Variants in ELMO1 observed in about 807,000 individuals in gnomAD.
ELMO1 encodes engulfment and cell motility protein 1.
In ELMO1, 26 loss-of-function variants were observed where a neutral mutation model predicts 98.9. The ratio of observed to expected loss-of-function variants is 0.26; its 90% CI spans 0.19 to 0.36. The LOEUF is 0.36. ELMO1 is among the 10% of genes least tolerant of loss of function. The probability of loss-of-function intolerance (pLI) is 1.00; values close to 1 mark genes in which losing one functional copy is unlikely to be tolerated. For synonymous variants in ELMO1, 346 were observed against 346.0 expected, an observed-to-expected ratio of 1.00 and a Z score of 0.00; for missense variants, 627 against 935.2, an observed-to-expected ratio of 0.67 and a Z score of 4.30.
At chr7:36,967,178 T>C (rs1276593953) in intron 16 of ELMO1, among the ~76,000 whole-genome samples, 1 of 152,184 alleles carries the variant, frequency 6.6e-6, no homozygotes, top group Non-Finnish European at 1.5e-5. Flanking sequence ...TTCTCTAAAA[T>C]ATAAGAAATA....
At chr7:37,297,723 A>T (rs1025086158) in intron 4 of ELMO1, among the ~76,000 whole-genome samples, 2 of 152,204 alleles carry the variant, frequency 1.3e-5, no homozygotes, top group Non-Finnish European at 2.9e-5. Context: ...TTTGACAAAT[A>T]AATAGGAAAT....
intron 7 of ELMO1, among the ~76,000 whole-genome samples, chr7:37,236,718 C>A (rs1404083048): frequency 2.0e-5 from 3 of 152,158 alleles, no homozygotes; most frequent in African/African-American, 7.2e-5. Flanking sequence ...TTCAAACTCT[C>A]AGTTGCAAAG....
At chr7:37,013,533 G>T (rs910731454) in intron 15 of ELMO1, 98 bp from the exon 16 acceptor site, 3 of 1,393,392 alleles carry the variant, frequency 2.2e-6, no homozygotes, top group South Asian at 2.7e-5. Context: ...ACAAGCGGAG[G>T]TATCTTTGGT....
At chr7:37,098,107 A>G (rs937227030) in intron 14 of ELMO1, among the ~76,000 whole-genome samples, 1 of 152,224 alleles carries the variant, frequency 6.6e-6, no homozygotes, top group Non-Finnish European at 1.5e-5. Flanking sequence ...GACTTCCTTA[A>G]TAGCTACACC....
At chr7:36,908,344 A>G (rs1784110276) in intron 16 of ELMO1, among the ~76,000 whole-genome samples, 1 of 152,208 alleles carries the variant, frequency 6.6e-6, no homozygotes, top group African/African-American at 2.4e-5. Flanking sequence ...CTAGAAAAAA[A>G]ATCTCTGACT....
At chr7:37,277,345 G>T (rs1453998258) in intron 4 of ELMO1, among the ~76,000 whole-genome samples, 2 of 152,218 alleles carry the variant, frequency 1.3e-5, no homozygotes, top group Admixed American at 1.3e-4. Context: ...CATTCAAGAT[G>T]GCCCTCTGGG....
rs112099526 is a variant in ELMO1, at chr7:36,957,630, T to C, written c.1437+55669A>G. 3.4e-3 allele frequency among the ~76,000 whole-genome samples: 507 copies of C among 147,692 alleles called. 2 individuals are homozygous for C. Among genetic ancestry groups the C allele is most frequent in the African/African-American group, 0.012 (462 of 37,166 alleles). On this transcript the variant is annotated intron_variant, in intron 16 of 21. Transcript: ENST00000310758. ...TGCTGTGACTGTAGCCTAAGCTTTG[T>C]CATTGAAAATACAGAACCATTGCTG...
intron 6 of ELMO1, among the ~76,000 whole-genome samples, chr7:37,252,818 T>C (rs1795427827): frequency 6.6e-6 from 1 of 152,162 alleles, no homozygotes; most frequent in African/African-American, 2.4e-5. Context: ...AGAAAAATTT[T>C]GCAATATAGC....
At chr7:37,258,258 C>T (rs559965459) in intron 6 of ELMO1, among the ~76,000 whole-genome samples, 1 of 149,718 alleles carries the variant, frequency 6.7e-6, no homozygotes, top group African/African-American at 2.5e-5. Context: ...CAGAGTGAGA[C>T]TCCATCTACC....
At chr7:37,051,206 C>T (rs67406528) in intron 15 of ELMO1, among the ~76,000 whole-genome samples, 3 of 151,962 alleles carry the variant, frequency 2.0e-5, no homozygotes, top group Admixed American at 2.0e-4. Context: ...AAAAATGAAC[C>T]GTGTCTACTT....
chr7:36,964,982 C>T (rs921656497), intron 16 of ELMO1, among the ~76,000 whole-genome samples: 11 of 152,164 alleles, frequency 7.2e-5, no homozygotes, highest in African/African-American at 2.7e-4. Context: ...ACTATCACCC[C>T]CCGCATCCCC....
intron 2 of ELMO1, among the ~76,000 whole-genome samples, chr7:37,325,758 AGT>A (rs748067030): frequency 1.3e-5 from 2 of 152,244 alleles, no homozygotes; most frequent in Non-Finnish European, 2.9e-5. Flanking sequence ...TGCAGTTATT[AGT>A]AACGTTGGCC....
intron 4 of ELMO1, among the ~76,000 whole-genome samples, chr7:37,310,017 G>A (rs1431033485): frequency 6.6e-6 from 1 of 152,206 alleles, no homozygotes; most frequent in African/African-American, 2.4e-5. Flanking sequence ...AATTCTGGCT[G>A]CCAGGGATTC....
At chr7:37,060,654 T>C (rs1322471494) in intron 15 of ELMO1, among the ~76,000 whole-genome samples, 1 of 136,204 alleles carries the variant, frequency 7.3e-6, no homozygotes, top group Non-Finnish European at 1.5e-5. Context: ...AGTCCAAAAA[T>C]AAATAAATAA....
intron 16 of ELMO1, among the ~76,000 whole-genome samples, chr7:36,898,767 T>C (rs961201023): frequency 6.6e-6 from 1 of 152,208 alleles, no homozygotes; most frequent in Non-Finnish European, 1.5e-5. Flanking sequence ...CTTCAACAAA[T>C]GTTTTGTGAG....
chr7:37,291,996 G>C (rs910344443), intron 4 of ELMO1, among the ~76,000 whole-genome samples: 35 of 114,914 alleles, frequency 3.0e-4, no homozygotes, highest in African/African-American at 7.9e-4. Flanking sequence ...CTCTGATGCC[G>C]AGCCGAAGCT....
chr7:37,168,107 AT>A (rs1789857264), intron 13 of ELMO1, among the ~76,000 whole-genome samples: 1 of 151,796 alleles, frequency 6.6e-6, no homozygotes, highest in South Asian at 2.1e-4. Context: ...CATCACTGAT[AT>A]CCTTTCTTCC....
intron 7 of ELMO1, among the ~76,000 whole-genome samples, chr7:37,235,003 C>A (rs1794384315): frequency 6.6e-6 from 1 of 152,188 alleles, no homozygotes; most frequent in Non-Finnish European, 1.5e-5. Flanking sequence ...TTCAGAGCTG[C>A]AAAGGGCAAC....
intron 1 of ELMO1, among the ~76,000 whole-genome samples, chr7:37,348,830 G>T (rs759664662): frequency 6.6e-6 from 1 of 151,946 alleles, no homozygotes; most frequent in African/African-American, 2.4e-5. Context: ...TAATTCTTTC[G>T]GTTCCACAAA....
Sources: allele counts gnomAD v4.1 joint callset (sites outside exome capture counted in the v4.1 genomes callset), GRCh38; gene constraint gnomAD v4.1.1; transcripts MANE v1.5; gene names NCBI Gene and HGNC (gene_info 2026-07-23, HGNC 2026-07-21).